Variants in APBB2 observed in about 807,000 individuals in gnomAD.
APBB2 encodes the protein Fe65-like 1.
Under a neutral mutation model 82.5 loss-of-function variants are expected in APBB2, and 38 were observed. The observed-to-expected ratio is 0.46, with a 90% CI of 0.36 to 0.60. The LOEUF (loss-of-function observed/expected upper bound fraction) is 0.60. APBB2 is among the 20% of genes least tolerant of loss of function. The probability of loss-of-function intolerance (pLI) is 0.00; values close to 1 mark genes in which losing one functional copy is unlikely to be tolerated. For missense variants in APBB2, 772 were observed against 972.3 expected (o/e 0.79, Z 2.74); for synonymous variants, 341 against 368.2 (o/e 0.93, Z 0.85).
chr4:40,849,215 A>T (rs776522581), intron 12 of APBB2, among the ~76,000 whole-genome samples: 11 of 152,218 alleles, frequency 7.2e-5, no homozygotes, highest in Non-Finnish European at 1.5e-4. Flanking sequence ...TTTTCATGTC[A>T]GCTGAAACAA....
chr4:41,174,224 C>A (rs1580625829), intron 1 of APBB2, among the ~76,000 whole-genome samples: 1 of 152,174 alleles, frequency 6.6e-6, no homozygotes, highest in African/African-American at 2.4e-5. Context: ...GATAACTAAG[C>A]AGACTTCTAT....
chr4:40,939,906 A>C (rs1457900015), intron 7 of APBB2, among the ~76,000 whole-genome samples: 1 of 152,196 alleles, frequency 6.6e-6, no homozygotes, highest in African/African-American at 2.4e-5. Context: ...TGTGCAATTA[A>C]ATCAGTCTCT....
At chr4:41,205,119 G>A (rs1418504952) in intron 1 of APBB2, among the ~76,000 whole-genome samples, 1 of 152,212 alleles carries the variant, frequency 6.6e-6, no homozygotes, top group African/African-American at 2.4e-5. Flanking sequence ...CCTCAAAGCA[G>A]AGGATGGAAA....
intron 3 of APBB2, among the ~76,000 whole-genome samples, chr4:41,080,695 C>T (rs530829023): frequency 3.1e-5 from 4 of 128,680 alleles, no homozygotes; most frequent in Admixed American, 9.2e-5. Context: ...GATGTAAATG[C>T]TCCTTTTTTT....
At chr4:41,087,671 T>C (rs1380121651) in intron 3 of APBB2, among the ~76,000 whole-genome samples, 1 of 151,900 alleles carries the variant, frequency 6.6e-6, no homozygotes, top group African/African-American at 2.4e-5. Flanking sequence ...TCAAGTGATC[T>C]TCCCGCCTCA....
intron 2 of APBB2, among the ~76,000 whole-genome samples, chr4:41,106,212 C>T (rs1016700135): frequency 1.3e-5 from 2 of 152,170 alleles, no homozygotes; most frequent in African/African-American, 4.8e-5. Flanking sequence ...AAACTATATT[C>T]TCAGGCTCTC....
chr4:40,960,842 C>A (rs1189203051), intron 6 of APBB2, among the ~76,000 whole-genome samples: 5 of 152,050 alleles, frequency 3.3e-5, no homozygotes, highest in Non-Finnish European at 5.9e-5. Flanking sequence ...AACATGGCCA[C>A]CCGATATAAA....
chr4:40,954,546 G>A (rs1489492051), intron 6 of APBB2, among the ~76,000 whole-genome samples: 1 of 152,196 alleles, frequency 6.6e-6, no homozygotes, highest in Admixed American at 6.5e-5. Flanking sequence ...CACCTGGAGG[G>A]CTTGTGAGAA....
At chr4:41,041,795 CAG>C (rs1721605170) in intron 4 of APBB2, among the ~76,000 whole-genome samples, 1 of 152,030 alleles carries the variant, frequency 6.6e-6, no homozygotes, top group Non-Finnish European at 1.5e-5. Context: ...AAAATATGCA[CAG>C]ACAGAAAAAA....
intron 1 of APBB2, among the ~76,000 whole-genome samples, chr4:41,197,799 C>A: frequency 1.3e-5 from 2 of 152,178 alleles, no homozygotes; most frequent in Non-Finnish European, 2.9e-5. Flanking sequence ...TGCTATTTCA[C>A]TAACATGTAG....
At chr4:41,192,696 C>T (rs1774805580) in intron 1 of APBB2, among the ~76,000 whole-genome samples, 1 of 151,968 alleles carries the variant, frequency 6.6e-6, no homozygotes, top group South Asian at 2.1e-4. Context: ...GTAGGATGAA[C>T]AAGACTAGGA....
chr4:40,970,497 C>A (rs2154397922), intron 6 of APBB2, among the ~76,000 whole-genome samples: 1 of 152,186 alleles, frequency 6.6e-6, no homozygotes, highest in South Asian at 2.1e-4. Flanking sequence ...GGCATTTAAA[C>A]TAACTGCATT....
chr4:40,994,811 GA>G (rs71198624), intron 6 of APBB2, among the ~76,000 whole-genome samples: 44 of 112,944 alleles, frequency 3.9e-4, no homozygotes, highest in Middle Eastern at 4.3e-3. Context: ...CAAGACTCCG[GA>G]AAAAAAAAAA....
At chr4:40,982,870 C>G (rs1799479103) in intron 6 of APBB2, among the ~76,000 whole-genome samples, 1 of 152,196 alleles carries the variant, frequency 6.6e-6, no homozygotes, top group Admixed American at 6.5e-5. Flanking sequence ...ACCATTCCCC[C>G]TCAACATGTG....
chr4:41,116,041 A>G (rs1344421064), intron 2 of APBB2, among the ~76,000 whole-genome samples: 1 of 152,262 alleles, frequency 6.6e-6, no homozygotes, highest in African/African-American at 2.4e-5. Context: ...ACAGTTCACA[A>G]TAGCAGAGAC....
intron 2 of APBB2, among the ~76,000 whole-genome samples, chr4:41,126,754 A>G (rs943365607): frequency 2.0e-5 from 3 of 152,092 alleles, no homozygotes; most frequent in African/African-American, 7.2e-5. Context: ...TCTTATCCCT[A>G]TGTCTTCACA....
chr4:40,971,713 GT>G (rs575000576), intron 6 of APBB2, among the ~76,000 whole-genome samples: 11 of 152,186 alleles, frequency 7.2e-5, no homozygotes, highest in Non-Finnish European at 1.5e-4. Context: ...TGTTTCAAAA[GT>G]AGAGAAAGAA....
At chr4:41,046,374 T>C (rs1477480760) in intron 4 of APBB2, among the ~76,000 whole-genome samples, 1 of 152,246 alleles carries the variant, frequency 6.6e-6, no homozygotes, top group Non-Finnish European at 1.5e-5. Flanking sequence ...AGCCTGCAAT[T>C]CATGGAACAA....
chr4:40,907,379 ATTTTTTT>A (rs55814804), intron 10 of APBB2, among the ~76,000 whole-genome samples: 5,409 of 35,370 alleles, frequency 0.15, 213 homozygotes, highest in Middle Eastern at 0.2. Context: ...ATATATATAT[ATTTTTTT>A]TTTTTTTTTT....
Sources: allele counts gnomAD v4.1 joint callset (sites outside exome capture counted in the v4.1 genomes callset), GRCh38; gene constraint gnomAD v4.1.1; transcripts MANE v1.5; gene names NCBI Gene and HGNC (gene_info 2026-07-23, HGNC 2026-07-21).